The following LRRFIP1 variants were observed in gnomAD, a reference collection of about 807,000 sequenced individuals.
The protein encoded by LRRFIP1 is LRR binding FLII interacting protein 1, also known as leucine-rich repeat flightless-interacting protein 1.
A neutral mutation model predicts 104.4 loss-of-function variants in LRRFIP1; 62 were observed. That is an observed-to-expected ratio of 0.59 (90% CI 0.48 to 0.73). LRRFIP1 has a LOEUF of 0.73. Among genes scored for constraint, LRRFIP1 ranks in the 30% least tolerant of loss-of-function variants. The pLI, the probability that LRRFIP1 is intolerant of heterozygous loss-of-function variation, is 0.00. For missense variants in LRRFIP1, 796 were observed against 824.5 expected (o/e 0.97, Z 0.42); for synonymous variants, 300 against 299.0 (o/e 1.00, Z -0.03).
chr2:237,717,814 G>T lies in LRRFIP1; in HGVS notation c.249+5G>T. 6.2e-7 allele frequency: 1 copy of T among 1,609,418 alleles called. No individual in the cohort carries two copies. Among genetic ancestry groups the T allele is most frequent in the South Asian group, 1.1e-5 (1 of 90,940 alleles). On this transcript the variant is annotated splice_donor_5th_base_variant and intron_variant, in intron 4 of 23. Transcript: ENST00000308482. This position sits in a 1 kb window ranked among gnomAD's most constrained non-coding sequence, Gnocchi z 4.2. ...GGTGACATCGAGCAGTGGATGGTAG[G>T]CCTTGAATATAATTTTGTTTTTACT...
At chr2:237,749,474 A>T in intron 13 of LRRFIP1, 150 bp downstream of exon 13, 1 of 951,826 alleles carries the variant, frequency 1.1e-6, no homozygotes, top group East Asian at 2.7e-5. Context: ...GTGTTCTCCT[A>T]ACATCAAGAC....
chr2:237,703,293 G>C lies in LRRFIP1; in HGVS notation c.97-5251G>C, dbSNP rs1055651220. Among the ~76,000 whole-genome samples, 1 of 152,132 alleles carries C rather than the reference G, an allele frequency of 6.6e-6. No homozygotes were observed. The highest frequency in any genetic ancestry group is 6.5e-5 in the Admixed American group (1 of 15,278). Reference sequence around the variant, plus strand: ...CGAACCCTGGCACTGAGCTTGATCCGCTGCAGCCCAGCCCGTTCCTGTCCC... The same window carrying C: ...CGAACCCTGGCACTGAGCTTGATCCCCTGCAGCCCAGCCCGTTCCTGTCCC... On this transcript the variant is annotated intron_variant, in intron 1 of 23. Transcript: ENST00000308482. The surrounding 1 kb of genome is among the most constrained non-coding windows in gnomAD (Gnocchi z 4.3).
rs762499404 is a variant in LRRFIP1 at position 237,627,631 on chromosome 2, G to A, written c.-14G>A. The A allele has an allele frequency of 3.1e-6, 4 of 1,299,724 alleles. No homozygotes were observed. Among genetic ancestry groups the A allele is most frequent in the Middle Eastern group, 2.8e-4 (1 of 3,554 alleles). The allele number at this position is 1,299,724 out of a possible 1,614,324, so 80.5% of individuals were successfully genotyped here. On this transcript the variant is annotated 5_prime_UTR_variant, in exon 1 of 24. Transcript: ENST00000308482. ...GAGCAACGGGCCCCGCGGCAGCTGC[G>A]GGCGACGCGGTCGATGGACATGGGC...
intron 1 of LRRFIP1, among the ~76,000 whole-genome samples, chr2:237,640,742 C>T (rs1471173654): frequency 1.3e-5 from 2 of 152,244 alleles, no homozygotes; most frequent in Non-Finnish European, 2.9e-5. Context: ...CAGCTCTCTG[C>T]ACGATACTCT....
intron 2 of LRRFIP1, among the ~76,000 whole-genome samples, chr2:237,709,745 C>T (rs901073840): frequency 1.3e-5 from 2 of 152,186 alleles, no homozygotes; most frequent in Non-Finnish European, 2.9e-5. Flanking sequence ...TGTCACCAAG[C>T]CCTGGAACCA....
rs545417166 is a variant in LRRFIP1 at position 237,772,037 on chromosome 2, T to G, written c.1510-44T>G. On this transcript the variant is annotated intron_variant, in intron 20 of 23. Transcript: ENST00000308482. Reference sequence around the variant, plus strand: ...TCTAACTTCAGCTTTTCGGTCTCATTCAGAGTAGAGAAATTAACAGATTTT... The same window carrying G: ...TCTAACTTCAGCTTTTCGGTCTCATGCAGAGTAGAGAAATTAACAGATTTT... 3.5e-5 allele frequency: 49 copies of G among 1,416,822 alleles called. No individual in the cohort carries two copies. In the South Asian group the frequency reaches 4.9e-4, roughly 14 times the overall value. The allele number at this position is 1,416,822 out of a possible 1,614,324, so 87.8% of individuals were successfully genotyped here.
intron 1 of LRRFIP1, among the ~76,000 whole-genome samples, chr2:237,628,369 T>G (rs1459345690): frequency 1.3e-5 from 2 of 152,186 alleles, no homozygotes; most frequent in African/African-American, 4.8e-5. Context: ...ACTAAGATCA[T>G]GTTTGGTGAT....
At chr2:237,634,544 A>G (rs2082828941) in intron 1 of LRRFIP1, among the ~76,000 whole-genome samples, 1 of 152,214 alleles carries the variant, frequency 6.6e-6, no homozygotes. Flanking sequence ...GGAAAGTTTT[A>G]GGAGTATACT....
chr2:237,696,541 T>C (rs2093196477), intron 1 of LRRFIP1, among the ~76,000 whole-genome samples: 1 of 152,260 alleles, frequency 6.6e-6, no homozygotes, highest in Non-Finnish European at 1.5e-5. Context: ...CCTGGTGTTT[T>C]ATGTGAAGGT....
At chr2:237,750,326 CTTTT>C (rs928510240) in intron 13 of LRRFIP1, among the ~76,000 whole-genome samples, 31 of 60,714 alleles carry the variant, frequency 5.1e-4, no homozygotes, top group Middle Eastern at 0.01. Context: ...TTCTTTCTTT[CTTTT>C]TTTTTTTTTT....
chr2:237,743,282 C>T (rs2057366419), intron 11 of LRRFIP1, among the ~76,000 whole-genome samples: 1 of 152,020 alleles, frequency 6.6e-6, no homozygotes, highest in Non-Finnish European at 1.5e-5. Flanking sequence ...GTGTGTCACA[C>T]CCATCAGAGG....
chr2:237,715,400 C>G (rs1390714108), intron 3 of LRRFIP1, among the ~76,000 whole-genome samples: 1 of 152,328 alleles, frequency 6.6e-6, no homozygotes, highest in East Asian at 1.9e-4. Flanking sequence ...GACAGCAGGA[C>G]GCTCTCATCC....
chr2:237,753,296 C>G lies in LRRFIP1; in HGVS notation c.868-13C>G, dbSNP rs776446807. On this transcript the variant is annotated splice_polypyrimidine_tract_variant and intron_variant, in intron 14 of 23. Coordinates refer to ENST00000308482, the MANE Select transcript of LRRFIP1 (RefSeq NM_001137550.2). ...TTTATTGCAATTTCAAAAATATGACCTGCTTTCCACAGGACTCTCTAGCAG... is the reference window on the plus strand; with the variant it reads ...TTTATTGCAATTTCAAAAATATGACGTGCTTTCCACAGGACTCTCTAGCAG... 1.3e-6 allele frequency: 2 copies of G among 1,551,542 alleles called. No individual in the cohort carries two copies. Among genetic ancestry groups the G allele is most frequent in the East Asian group, 2.4e-5 (1 of 41,888 alleles).
At position 237,711,396 on chromosome 2, in the gene LRRFIP1, T is replaced by C. The variant is rs1456220461; in HGVS notation, c.183+2766T>C. Among the ~76,000 whole-genome samples, 2 of 152,240 alleles carry C rather than the reference T, an allele frequency of 1.3e-5. No individual in the cohort carries two copies. Among genetic ancestry groups the C allele is most frequent in the Non-Finnish European group, 2.9e-5 (2 of 68,034 alleles). Reference sequence around the variant, plus strand: ...TCAAGATATCTCGCCCTGTTGCAAATTCGGCGGAACATCCGCCACTGAGAG... The same window carrying C: ...TCAAGATATCTCGCCCTGTTGCAAACTCGGCGGAACATCCGCCACTGAGAG... On this transcript the variant is annotated intron_variant, in intron 2 of 23. Transcript: ENST00000308482. This position sits in a 1 kb window ranked among gnomAD's most constrained non-coding sequence, Gnocchi z 4.4.
chr2:237,772,120 A>G lies in LRRFIP1; in HGVS notation c.1549A>G (p.Ile517Val). The G allele has an allele frequency of 1.2e-6, 2 of 1,613,966 alleles. No homozygotes were observed. Among genetic ancestry groups the G allele is most frequent in the Non-Finnish European group, 1.7e-6 (2 of 1,179,884 alleles). ...LKGQLEERQK[I>V]GKLDNLRSED... ...AGGGCAGCTGGAGGAGAGACAGAAG[A>G]TTGGCAAACTAGACAATCTTCGATC... Residue 517 changes from isoleucine to valine, a missense_variant, in exon 21 of 24, where the codon ATT becomes GTT. Transcript: ENST00000308482.
chr2:237,731,360 A>G (rs985825427), intron 8 of LRRFIP1, among the ~76,000 whole-genome samples: 1 of 151,228 alleles, frequency 6.6e-6, no homozygotes, highest in African/African-American at 2.4e-5. Flanking sequence ...CCCTTGTCCA[A>G]CCCCTTCATG....
chr2:237,715,772 A>G (rs767217072), intron 3 of LRRFIP1, among the ~76,000 whole-genome samples: 1 of 152,216 alleles, frequency 6.6e-6, no homozygotes, highest in Non-Finnish European at 1.5e-5. Flanking sequence ...TTCCCTCCGC[A>G]TGGCTTCCGG....
chr2:237,687,442 T>C lies in LRRFIP1; in HGVS notation c.97-21102T>C, dbSNP rs893184591. On this transcript the variant is annotated intron_variant, in intron 1 of 23. Coordinates refer to ENST00000308482, the MANE Select transcript of LRRFIP1 (RefSeq NM_001137550.2). ...CAACATGGTGAAACCCCATCTCTAC[T>C]AAAAATACAAAACTAGCTGGGCGTG... 2.0e-5 allele frequency among the ~76,000 whole-genome samples: 3 copies of C among 151,732 alleles called. No individual in the cohort carries two copies. In the East Asian group the frequency reaches 5.8e-4, roughly 29 times the overall value.
intron 2 of LRRFIP1, among the ~76,000 whole-genome samples, chr2:237,712,140 C>T (rs2094127477): frequency 6.6e-6 from 1 of 152,204 alleles, no homozygotes; most frequent in African/African-American, 2.4e-5. Context: ...TGACGGGCAT[C>T]TTCCCAAACT....
Sources: gnomAD v4.1 joint callset for allele counts (sites outside exome capture counted in the v4.1 genomes callset) on GRCh38, gnomAD v4.1.1 for gene constraint, Gnocchi (gnomAD v3.1) non-coding constraint, MANE v1.5 for transcripts, NCBI Gene and HGNC (gene_info 2026-07-23, HGNC 2026-07-21) for gene names.